The following PRKN variants were observed in gnomAD, a reference collection of about 807,000 sequenced individuals.
PRKN encodes E3 ubiquitin-protein ligase parkin.
PRKN carries 56 observed loss-of-function variants against 59.5 expected under a neutral mutation model. The ratio of observed to expected loss-of-function variants is 0.94; its 90% CI spans 0.76 to 1.18. The LOEUF (loss-of-function observed/expected upper bound fraction) is 1.18. Ranked by LOEUF, PRKN falls within the 50% of genes most tolerant of loss-of-function variation. The pLI is 0.00. For missense variants in PRKN, 657 were observed against 596.4 expected (o/e 1.10, Z -1.06); for synonymous variants, 250 against 222.1 (o/e 1.13, Z -1.12).
Position 162,356,747 on chromosome 6 carries a change from T to TAAA in PRKN, c.171+86560_171+86562dup, listed in dbSNP as rs748212596. On this transcript the variant is annotated intron_variant, in intron 2 of 11. Transcript: ENST00000366898. Reference sequence around the variant, plus strand: ...CACAGTAATAAAGTGTGATTATTAGTAAAAAAAAAAAAAAAAAAAAAAAGA... The same window carrying TAAA: ...CACAGTAATAAAGTGTGATTATTAGTAAAAAAAAAAAAAAAAAAAAAAAAAAGA... Among the ~76,000 whole-genome samples the TAAA allele has an allele frequency of 3.0e-3, 221 of 72,496 alleles. No individual in the cohort carries two copies. In the Middle Eastern group the frequency reaches 0.035, roughly 11 times the overall value. The allele number at this position is 72,496 out of a possible 152,430, so 47.6% of individuals were successfully genotyped here. A position where few individuals can be genotyped will look rare whatever the true frequency, so the allele number is the denominator to read the frequency against.
intron 3 of PRKN, among the ~76,000 whole-genome samples, chr6:162,216,536 CAAAAAAAAAAAAAA>C (rs35025497): frequency 6.0e-4 from 21 of 34,972 alleles, no homozygotes; most frequent in African/African-American, 1.5e-3. Flanking sequence ...GACTCCGTCT[CAAAAAAAAAAAAAA>C]AAAAAAAAAA....
At chr6:162,714,892 A>G (rs1236333108) in intron 1 of PRKN, among the ~76,000 whole-genome samples, 1 of 152,202 alleles carries the variant, frequency 6.6e-6, no homozygotes, top group Non-Finnish European at 1.5e-5. Context: ...AATTCAAATA[A>G]TTTAAGCACT....
chr6:161,794,565 T>C (rs893339920), intron 6 of PRKN, among the ~76,000 whole-genome samples: 1 of 152,168 alleles, frequency 6.6e-6, no homozygotes, highest in Non-Finnish European at 1.5e-5. Flanking sequence ...TGCCCATGTA[T>C]TAAGGCCTCA....
chr6:162,492,975 AAAG>A (rs1222993179), intron 1 of PRKN, among the ~76,000 whole-genome samples: 2 of 151,428 alleles, frequency 1.3e-5, no homozygotes, highest in East Asian at 3.9e-4. Flanking sequence ...AAAAAAAAAA[AAAG>A]AAGCAGAAGA....
intron 3 of PRKN, among the ~76,000 whole-genome samples, chr6:162,230,427 G>A (rs1778372819): frequency 1.3e-5 from 2 of 152,222 alleles, no homozygotes; most frequent in African/African-American, 4.8e-5. Context: ...AGCTGGGCTT[G>A]AAGTCTGGGA....
intron 7 of PRKN, among the ~76,000 whole-genome samples, chr6:161,636,754 C>G (rs1341198741): frequency 1.3e-5 from 2 of 151,952 alleles, no homozygotes; most frequent in Admixed American, 6.6e-5. Flanking sequence ...AATACAAAGT[C>G]GAGATTAAAC....
At chr6:161,439,683 T>TC (rs756904170) in intron 9 of PRKN, among the ~76,000 whole-genome samples, 1 of 143,108 alleles carries the variant, frequency 7.0e-6, no homozygotes, top group African/African-American at 2.6e-5. Flanking sequence ...AGTGTACCTT[T>TC]GGTGAAACAA....
chr6:162,370,680 T>C (rs935934896), intron 2 of PRKN, among the ~76,000 whole-genome samples: 1 of 152,232 alleles, frequency 6.6e-6, no homozygotes, highest in Non-Finnish European at 1.5e-5. Flanking sequence ...GCAATATTTC[T>C]CTGTCCAACC....
chr6:162,584,247 A>C lies in PRKN; in HGVS notation c.8-140774T>G, dbSNP rs1780914321. 7.7e-5 allele frequency among the ~76,000 whole-genome samples: 6 copies of C among 78,278 alleles called. No individual in the cohort carries two copies. The South Asian group carries it at 3.2e-3, about 41-fold the overall frequency. 51.4% of individuals were successfully genotyped at this position (78,278 alleles called of 152,430 possible). On this transcript the variant is annotated intron_variant, in intron 1 of 11. Transcript: ENST00000366898. ...AAACAAAAAACAAAAAACAAAAAAC[A>C]AAAAAAAAAAAAACACTGACTATAT... is the stretch of plus-strand genomic sequence containing the variant.
At chr6:161,476,138 G>C (rs1043831439) in intron 9 of PRKN, among the ~76,000 whole-genome samples, 5 of 151,330 alleles carry the variant, frequency 3.3e-5, no homozygotes, top group Admixed American at 3.3e-4. Flanking sequence ...AGTGAGCCGA[G>C]ATCGCGCCAC....
intron 7 of PRKN, among the ~76,000 whole-genome samples, chr6:161,779,878 T>C (rs997888959): frequency 6.6e-6 from 1 of 152,208 alleles, no homozygotes; most frequent in Non-Finnish European, 1.5e-5. Context: ...GGCTGATTTA[T>C]GCATTGAATT....
At chr6:162,463,420 T>C (rs1264565063) in intron 1 of PRKN, among the ~76,000 whole-genome samples, 1 of 152,202 alleles carries the variant, frequency 6.6e-6, no homozygotes, top group Non-Finnish European at 1.5e-5. Flanking sequence ...ACCTCTATGC[T>C]GGACTAGCTT....
intron 3 of PRKN, among the ~76,000 whole-genome samples, chr6:162,201,719 G>C (rs886188630): frequency 6.6e-6 from 1 of 152,128 alleles, no homozygotes; most frequent in Admixed American, 6.6e-5. Context: ...TATGATCACA[G>C]TTTGCTGGGC....
intron 1 of PRKN, among the ~76,000 whole-genome samples, chr6:162,584,793 C>CTG (rs1780947802): frequency 1.7e-4 from 1 of 5,790 alleles, no homozygotes; most frequent in Non-Finnish European, 2.9e-4. Flanking sequence ...CTCCTCTCCC[C>CTG]TCCCCTCCCC....
intron 2 of PRKN, among the ~76,000 whole-genome samples, chr6:162,387,677 A>G (rs1384315051): frequency 2.0e-5 from 3 of 152,112 alleles, no homozygotes; most frequent in Non-Finnish European, 4.4e-5. Context: ...AGTCTAAAGT[A>G]TGAAGACTTA....
Position 161,470,997 on chromosome 6 carries a change from C to T in PRKN, c.1083+77857G>A, listed in dbSNP as rs777566129. Among the ~76,000 whole-genome samples the T allele has an allele frequency of 1.3e-4, 20 of 152,120 alleles. No individual in the cohort carries two copies. Among genetic ancestry groups the T allele is most frequent in the Non-Finnish European group, 2.9e-4 (20 of 68,020 alleles). ...AAGTTAGAATCTGGCCTCTAAGGTC[C>T]TTATGAAGGTGTACTCCTTAAGGTA... On this transcript the variant is annotated intron_variant, in intron 9 of 11. Transcript: ENST00000366898. This position sits in a 1 kb window ranked among gnomAD's most constrained non-coding sequence, Gnocchi z 5.1.
rs1279343240 is a variant in PRKN at position 161,461,700 on chromosome 6, TGTGG to T, written c.1084-74827_1084-74824del. On this transcript the variant is annotated intron_variant, in intron 9 of 11. Coordinates refer to ENST00000366898, the MANE Select transcript of PRKN (RefSeq NM_004562.3). The surrounding 1 kb of genome is among the most constrained non-coding windows in gnomAD (Gnocchi z 5.1). ...TAAGAAGAGACAGGACAGGGTTGCATGTGGGTGAGGGAAGAGGTGGAAAAATGAG... is the reference window on the plus strand; with the variant it reads ...TAAGAAGAGACAGGACAGGGTTGCATGTGAGGGAAGAGGTGGAAAAATGAG... 6.6e-6 allele frequency among the ~76,000 whole-genome samples: 1 copy of T among 152,100 alleles called. No homozygotes were observed. Among genetic ancestry groups the T allele is most frequent in the Non-Finnish European group, 1.5e-5 (1 of 68,000 alleles).
Position 161,975,358 on chromosome 6 carries a change from A to T in PRKN, c.619-1941T>A, listed in dbSNP as rs139520428. On this transcript the variant is annotated intron_variant, in intron 5 of 11. Transcript: ENST00000366898. ...TGGCCTCCCAAAGTGCTGGGATTAC[A>T]GGTGTGAGCCTGTAATATGCCCAGC... is the stretch of plus-strand genomic sequence containing the variant. Among the ~76,000 whole-genome samples the T allele has an allele frequency of 4.6e-3, 697 of 152,312 alleles. 3 individuals carry two copies. The highest frequency in any genetic ancestry group is 0.014 in the African/African-American group (592 of 41,574).
rs1378712108 is a variant in PRKN, at chr6:162,314,729, C to G, written c.172-51964G>C. ...CAACCCAACGAACAGTTCATTCACTCATTCAACAAATATTTCTTTAGAGCT... is the reference window on the plus strand; with the variant it reads ...CAACCCAACGAACAGTTCATTCACTGATTCAACAAATATTTCTTTAGAGCT... On this transcript the variant is annotated intron_variant, in intron 2 of 11. Transcript: ENST00000366898. 2.0e-5 allele frequency among the ~76,000 whole-genome samples: 3 copies of G among 152,190 alleles called. No individual in the cohort carries two copies. In the East Asian group the frequency reaches 5.8e-4, roughly 29 times the overall value.
Sources: allele counts gnomAD v4.1 joint callset (sites outside exome capture counted in the v4.1 genomes callset), GRCh38; gene constraint gnomAD v4.1.1; non-coding constraint Gnocchi (gnomAD v3.1); transcripts MANE v1.5; gene names NCBI Gene and HGNC (gene_info 2026-07-23, HGNC 2026-07-21).